HCN1: variants seen among roughly 807,000 people sequenced by gnomAD.
HCN1 encodes the protein hyperpolarization activated cyclic nucleotide gated potassium channel 1.
HCN1 carries 13 observed loss-of-function variants against 78.9 expected under a neutral mutation model. The ratio of observed to expected loss-of-function variants is 0.16; its 90% CI spans 0.11 to 0.26. The LOEUF (loss-of-function observed/expected upper bound fraction) is 0.26, where lower values mean the gene tolerates loss of function less well. Among genes scored for constraint, HCN1 ranks in the 10% least tolerant of loss-of-function variants. The pLI is 1.00. For missense variants in HCN1, 810 were observed against 1,154.3 expected (o/e 0.70, Z 4.32); for synonymous variants, 552 against 455.5 (o/e 1.21, Z -2.70).
chr5:45,377,834 G>T (rs1747716183), intron 4 of HCN1, among the ~76,000 whole-genome samples: 1 of 151,922 alleles, frequency 6.6e-6, no homozygotes, highest in African/African-American at 2.4e-5. Flanking sequence ...TCCCAAGAGG[G>T]CTGTATAGAA....
intron 6 of HCN1, among the ~76,000 whole-genome samples, chr5:45,284,963 C>T (rs1026169841): frequency 1.3e-5 from 2 of 152,028 alleles, no homozygotes; most frequent in Non-Finnish European, 2.9e-5. Context: ...CTAAGTGGAA[C>T]TTCCACAAGT....
At chr5:45,404,216 C>T (rs1002822171) in intron 3 of HCN1, among the ~76,000 whole-genome samples, 4 of 151,990 alleles carry the variant, frequency 2.6e-5, no homozygotes, top group African/African-American at 9.7e-5. Context: ...GTAAAGATGA[C>T]TGTATTATAT....
intron 2 of HCN1, among the ~76,000 whole-genome samples, chr5:45,480,449 T>A (rs990384211): frequency 5.3e-5 from 8 of 152,278 alleles, no homozygotes; most frequent in Admixed American, 5.2e-4. Context: ...CACTGAAAAC[T>A]CATTAAGTTT....
chr5:45,607,657 A>G (rs1379606077), intron 2 of HCN1, among the ~76,000 whole-genome samples: 1 of 150,838 alleles, frequency 6.6e-6, no homozygotes, highest in African/African-American at 2.4e-5. Flanking sequence ...CTTGATAAAT[A>G]CAGAAAGGGT....
chr5:45,305,307 A>G (rs1303104233), intron 5 of HCN1, among the ~76,000 whole-genome samples: 1 of 152,208 alleles, frequency 6.6e-6, no homozygotes, highest in East Asian at 1.9e-4. Context: ...AGAAGGCACA[A>G]CATTTTGAAT....
chr5:45,635,344 A>C (rs1745337478), intron 2 of HCN1, among the ~76,000 whole-genome samples: 1 of 152,016 alleles, frequency 6.6e-6, no homozygotes, highest in South Asian at 2.1e-4. Context: ...ACATCTCCAC[A>C]AAAACAACAA....
chr5:45,270,208 A>G (rs190327454), intron 6 of HCN1, among the ~76,000 whole-genome samples: 67 of 152,316 alleles, frequency 4.4e-4, no homozygotes, highest in Non-Finnish European at 1.8e-4. Flanking sequence ...AGACAGCAAA[A>G]GACTTTCTTC....
intron 2 of HCN1, among the ~76,000 whole-genome samples, chr5:45,595,751 A>C (rs892796118): frequency 2.6e-5 from 4 of 152,010 alleles, no homozygotes; most frequent in Admixed American, 6.6e-5. Flanking sequence ...TTAAAAAAAA[A>C]CCAAACAACC....
At chr5:45,670,326 TCTAAATCCAACACATTTCATA>T (rs1746125462) in intron 1 of HCN1, among the ~76,000 whole-genome samples, 1 of 151,710 alleles carries the variant, frequency 6.6e-6, no homozygotes, top group African/African-American at 2.4e-5. Flanking sequence ...ATTGCCACAT[TCTAAATCCAACACATTTCATA>T]TGTTTTGCAG....
intron 2 of HCN1, among the ~76,000 whole-genome samples, chr5:45,629,340 T>A (rs184483718): frequency 1.7e-3 from 259 of 152,236 alleles, no homozygotes; most frequent in African/African-American, 5.6e-3. Flanking sequence ...ATTGAGTAAA[T>A]TTGACCTAAT....
rs1193138243 is a variant in HCN1, at chr5:45,256,941, C to T, written c.*4980G>A. ...CTTTCCCTTCTCACAGGTTCTAGCT[C>T]TTATCTTCTTGTACCCCTTCCCTGC... On this transcript the variant is annotated 3_prime_UTR_variant, in exon 8 of 8. Transcript: ENST00000303230. 1 of 152,284 alleles carries T rather than the reference C, an allele frequency of 6.6e-6. No individual in the cohort carries two copies. The highest frequency in any genetic ancestry group is 1.9e-4 in the East Asian group (1 of 5,170). The allele number at this position is 152,284 out of a possible 1,614,324, so 9.4% of individuals were successfully genotyped here.
At chr5:45,323,198 C>T (rs1348066109) in intron 5 of HCN1, among the ~76,000 whole-genome samples, 3 of 151,590 alleles carry the variant, frequency 2.0e-5, no homozygotes, top group Non-Finnish European at 4.4e-5. Flanking sequence ...AGATGTGATG[C>T]AAGTATTAAA....
At chr5:45,676,945 A>G (rs78201806) in intron 1 of HCN1, among the ~76,000 whole-genome samples, 59 of 151,900 alleles carry the variant, frequency 3.9e-4, no homozygotes, top group African/African-American at 1.4e-3. Context: ...CAATCCATAT[A>G]TCATATAATC....
chr5:45,419,420 G>A (rs965226621), intron 3 of HCN1, among the ~76,000 whole-genome samples: 27 of 152,238 alleles, frequency 1.8e-4, no homozygotes, highest in South Asian at 4.1e-4. Context: ...TAACCAGGAC[G>A]CCAAGCAATC....
chr5:45,514,029 A>T (rs911473703), intron 2 of HCN1, among the ~76,000 whole-genome samples: 3 of 152,092 alleles, frequency 2.0e-5, no homozygotes, highest in African/African-American at 7.2e-5. Context: ...TCACCTGCTA[A>T]TTTTTCCCTG....
chr5:45,639,990 A>G (rs572712998), intron 2 of HCN1, among the ~76,000 whole-genome samples: 1 of 152,250 alleles, frequency 6.6e-6, no homozygotes, highest in Admixed American at 6.5e-5. Context: ...TGTCTTCTGG[A>G]ACACACTCTT....
At chr5:45,378,048 C>G (rs902351921) in intron 4 of HCN1, among the ~76,000 whole-genome samples, 1 of 151,750 alleles carries the variant, frequency 6.6e-6, no homozygotes, top group Non-Finnish European at 1.5e-5. Flanking sequence ...GAGATTAATA[C>G]ATATTTAGTA....
At chr5:45,406,751 A>G (rs1739933194) in intron 3 of HCN1, among the ~76,000 whole-genome samples, 1 of 152,146 alleles carries the variant, frequency 6.6e-6, no homozygotes, top group Admixed American at 6.6e-5. Flanking sequence ...CTTCTCAACC[A>G]CCAAAAGAGA....
chr5:45,602,931 A>T (rs989135244), intron 2 of HCN1, among the ~76,000 whole-genome samples: 1 of 152,154 alleles, frequency 6.6e-6, no homozygotes, highest in Non-Finnish European at 1.5e-5. Flanking sequence ...AACCCACATA[A>T]TATCAACAAA....
Sources: allele counts gnomAD v4.1 joint callset (sites outside exome capture counted in the v4.1 genomes callset), GRCh38; gene constraint gnomAD v4.1.1; transcripts MANE v1.5; gene names NCBI Gene and HGNC (gene_info 2026-07-23, HGNC 2026-07-21).